MLXIP: variants seen among roughly 807,000 people sequenced by gnomAD.
The protein encoded by MLXIP is MLX-interacting protein.
In MLXIP, 30 loss-of-function variants were observed where a neutral mutation model predicts 87.2. The observed-to-expected ratio is 0.34, with a 90% CI of 0.26 to 0.47. MLXIP has a LOEUF of 0.47. MLXIP is among the 20% of genes least tolerant of loss of function. The pLI is 1.00. For missense variants in MLXIP, 1,002 were observed against 1,240.1 expected, an observed-to-expected ratio of 0.81 and a Z score of 2.88; for synonymous variants, 530 against 514.0, an observed-to-expected ratio of 1.03 and a Z score of -0.42.
rs1233404015 is a variant in MLXIP, at chr12:122,121,010, G to GTTTTTTTTTT, written c.414-6237_414-6228dup. On this transcript the variant is annotated intron_variant, in intron 1 of 16. Transcript: ENST00000319080. ...AGCCCCAGAGCCCTCTGCATGCTTGGTTTTTTTTTTTTTTTTTTGAAACGG... is the reference window on the plus strand; with the variant it reads ...AGCCCCAGAGCCCTCTGCATGCTTGGTTTTTTTTTTTTTTTTTTTTTTTTTTTTGAAACGG... Among the ~76,000 whole-genome samples, 91 of 111,870 alleles carry GTTTTTTTTTT rather than the reference G, an allele frequency of 8.1e-4. 9 individuals are homozygous for GTTTTTTTTTT. Among genetic ancestry groups the GTTTTTTTTTT allele is most frequent in the African/African-American group, 2.2e-3 (61 of 27,434 alleles). The allele number at this position is 111,870 out of a possible 152,430, so 73.4% of individuals were successfully genotyped here. A position where few individuals can be genotyped will look rare whatever the true frequency, so the allele number is the denominator to read the frequency against.
Position 122,127,507 on chromosome 12 carries a change from G to A in MLXIP, c.520+145G>A, listed in dbSNP as rs539381717. Reference sequence around the variant, plus strand: ...TGCAGACAGGAAACCCAAGCCATCAGGCCCAGCAGAGGGGTGGCATCTGAA... The same window carrying A: ...TGCAGACAGGAAACCCAAGCCATCAAGCCCAGCAGAGGGGTGGCATCTGAA... On this transcript the variant is annotated intron_variant, in intron 2 of 16. Transcript: ENST00000319080. The A allele has an allele frequency of 7.8e-6, 5 of 643,912 alleles. No individual in the cohort carries two copies. The African/African-American group carries it at 9.1e-5, about 12-fold the overall frequency. 39.9% of individuals were successfully genotyped at this position (643,912 alleles called of 1,614,324 possible). A position where few individuals can be genotyped will look rare whatever the true frequency, so the allele number is the denominator to read the frequency against.
At position 122,141,776 on chromosome 12, in the gene MLXIP, T is replaced by C. The variant is rs1177236785; in HGVS notation, c.2724T>C (p.Ala908=). ...AGCTGCCAGAGCAGGCGTCCAAGGC[T>C]GTCACCAGGATTGGCAAGAGATTGG... The part of the protein sequence containing the change: ...PAQLPEQASK[A]VTRIGKRLGE... The change falls in exon 17 of 17, where the codon GCT becomes GCC. Residue 908 remains alanine, a synonymous_variant. Coordinates refer to ENST00000319080, the MANE Select transcript of MLXIP (RefSeq NM_014938.6). The C allele has an allele frequency of 2.5e-6, 4 of 1,613,708 alleles. No homozygotes were observed. The highest frequency in any genetic ancestry group is 2.2e-5 in the East Asian group (1 of 44,898).
chr12:122,135,905 T>A lies in MLXIP; in HGVS notation c.2032+239T>A. On this transcript the variant is annotated intron_variant, in intron 11 of 16. Transcript: ENST00000319080. The surrounding 1 kb of genome is among the most constrained non-coding windows in gnomAD (Gnocchi z 5.3). ...AACATGTGGCAGTGTAGGTGACCCG[T>A]GTGCTCGGGGAGTCCCTGCTGACTG... 2.0e-6 allele frequency: 1 copy of A among 500,122 alleles called. No individual in the cohort carries two copies. The allele number at this position is 500,122 out of a possible 1,614,324, so 31.0% of individuals were successfully genotyped here.
chr12:122,080,106 A>G (rs1447920370), intron 1 of MLXIP, among the ~76,000 whole-genome samples: 1 of 152,188 alleles, frequency 6.6e-6, no homozygotes, highest in Non-Finnish European at 1.5e-5. Flanking sequence ...GCCCTCAAAG[A>G]TTAAAGCGCT....
rs565588117 is a variant in MLXIP at position 122,129,304 on chromosome 12, C to G, written c.696+78C>G. ...CCCTGGTTCAGGGCCCTGGCCGAGGCGGTAGGCTCCACAGCCGCCCCACCT... is the reference window on the plus strand; with the variant it reads ...CCCTGGTTCAGGGCCCTGGCCGAGGGGGTAGGCTCCACAGCCGCCCCACCT... On this transcript the variant is annotated intron_variant, in intron 4 of 16. Coordinates refer to ENST00000319080, the MANE Select transcript of MLXIP (RefSeq NM_014938.6). 5 of 1,306,818 alleles carry G rather than the reference C, an allele frequency of 3.8e-6. No individual in the cohort carries two copies. In the African/African-American group the frequency reaches 7.3e-5, roughly 19 times the overall value. 81.0% of individuals were successfully genotyped at this position (1,306,818 alleles called of 1,614,324 possible). A position where few individuals can be genotyped will look rare whatever the true frequency, so the allele number is the denominator to read the frequency against.
chr12:122,087,993 A>C (rs2135898922), intron 1 of MLXIP, among the ~76,000 whole-genome samples: 1 of 152,314 alleles, frequency 6.6e-6, no homozygotes, highest in South Asian at 2.1e-4. Flanking sequence ...GTCAGCTGTG[A>C]AGCTGGGGTA....
Position 122,142,203 on chromosome 12 carries a change from C to G in MLXIP, c.*391C>G, listed in dbSNP as rs1191395229. The G allele has an allele frequency of 2.9e-6, 2 of 701,118 alleles. No homozygotes were observed. The highest frequency in any genetic ancestry group is 2.6e-6 in the Non-Finnish European group (1 of 384,556). 43.4% of individuals were successfully genotyped at this position (701,118 alleles called of 1,614,324 possible). A position where few individuals can be genotyped will look rare whatever the true frequency, so the allele number is the denominator to read the frequency against. On this transcript the variant is annotated 3_prime_UTR_variant, in exon 17 of 17. Coordinates refer to ENST00000319080, the MANE Select transcript of MLXIP (RefSeq NM_014938.6). ...GGCCTGCTCCTGTCCTGAGGCCCAGCCTTGTCCCTCCTGCCACGTCCTGTC... is the reference window on the plus strand; with the variant it reads ...GGCCTGCTCCTGTCCTGAGGCCCAGGCTTGTCCCTCCTGCCACGTCCTGTC...
intron 1 of MLXIP, among the ~76,000 whole-genome samples, chr12:122,102,213 T>A (rs759514358): frequency 6.6e-6 from 1 of 152,184 alleles, no homozygotes; most frequent in Admixed American, 6.5e-5. Context: ...GATGTATATT[T>A]AGAATATATA....
intron 1 of MLXIP, among the ~76,000 whole-genome samples, chr12:122,091,451 ACTTT>A (rs1952243747): frequency 6.6e-6 from 1 of 152,192 alleles, no homozygotes; most frequent in Admixed American, 6.5e-5. Context: ...TAGTCCCAGC[ACTTT>A]GGGAGGCCAA....
intron 1 of MLXIP, among the ~76,000 whole-genome samples, chr12:122,092,919 T>TGTGTGTTG (rs1952268291): frequency 2.6e-5 from 4 of 151,482 alleles, no homozygotes; most frequent in Admixed American, 2.0e-4. Context: ...TTGTGTGTGA[T>TGTGTGTTG]GTGTGTGGGG....
rs1433451306 is a variant in MLXIP at position 122,142,337 on chromosome 12, T to A, written c.*525T>A. The stretch of plus-strand genomic sequence containing the variant: ...CAACTCTGACAGCACCCAGCCCTTG[T>A]GGATGGACTTGGGCTTCTATTCAGG... On this transcript the variant is annotated 3_prime_UTR_variant, in exon 17 of 17. Coordinates refer to ENST00000319080, the MANE Select transcript of MLXIP (RefSeq NM_014938.6). 4.9e-6 allele frequency: 3 copies of A among 612,144 alleles called. No homozygotes were observed. The highest frequency in any genetic ancestry group is 2.1e-5 in the Admixed American group (1 of 47,034). The allele number at this position is 612,144 out of a possible 1,614,324, so 37.9% of individuals were successfully genotyped here.
At chr12:122,095,496 C>T (rs1379157508) in intron 1 of MLXIP, among the ~76,000 whole-genome samples, 1 of 152,010 alleles carries the variant, frequency 6.6e-6, no homozygotes, top group Non-Finnish European at 1.5e-5. Context: ...ATTTATCCGC[C>T]ACACAGTGCT....
chr12:122,105,752 C>A (rs1952509155), intron 1 of MLXIP, among the ~76,000 whole-genome samples: 1 of 151,906 alleles, frequency 6.6e-6, no homozygotes, highest in Non-Finnish European at 1.5e-5. Context: ...TGCAGTCCGG[C>A]CTGGGCTAAA....
At chr12:122,096,247 C>T (rs1952350724) in intron 1 of MLXIP, among the ~76,000 whole-genome samples, 1 of 152,114 alleles carries the variant, frequency 6.6e-6, no homozygotes, top group East Asian at 1.9e-4. Context: ...CCGGCTTCTG[C>T]AGTGTTTCTT....
At chr12:122,113,472 T>C (rs529047680) in intron 1 of MLXIP, among the ~76,000 whole-genome samples, 18 of 152,160 alleles carry the variant, frequency 1.2e-4, no homozygotes, top group Non-Finnish European at 2.2e-4. Flanking sequence ...TTCGCCATGC[T>C]GTCCAGGCTG....
chr12:122,125,517 G>A (rs924507028), intron 1 of MLXIP, among the ~76,000 whole-genome samples: 1 of 152,212 alleles, frequency 6.6e-6, no homozygotes, highest in Non-Finnish European at 1.5e-5. Context: ...TCTAGAGGAG[G>A]AGGCGTCATT....
chr12:122,086,176 C>T (rs1952165797), intron 1 of MLXIP, among the ~76,000 whole-genome samples: 1 of 152,134 alleles, frequency 6.6e-6, no homozygotes, highest in Admixed American at 6.5e-5. Context: ...AGAACGCAGC[C>T]CTGCTGAATC....
At chr12:122,127,233 C>A in intron 1 of MLXIP, 23 bp from the exon 2 acceptor site, 1 of 1,581,276 alleles carries the variant, frequency 6.3e-7, no homozygotes, top group Non-Finnish European at 8.7e-7. Context: ...CACTGAGTCT[C>A]CCCGCTTTGC....
rs1565993155 is a variant in MLXIP at position 122,142,317 on chromosome 12, C to T, written c.*505C>T. 1 of 646,904 alleles carries T rather than the reference C, an allele frequency of 1.5e-6. No individual in the cohort carries two copies. The highest frequency in any genetic ancestry group is 1.5e-5 in the South Asian group (1 of 66,288). The allele number at this position is 646,904 out of a possible 1,614,324, so 40.1% of individuals were successfully genotyped here. ...GGCGTCTTTCTTTCTCCCCTCAACT[C>T]TGACAGCACCCAGCCCTTGTGGATG... On this transcript the variant is annotated 3_prime_UTR_variant, in exon 17 of 17. Coordinates refer to ENST00000319080, the MANE Select transcript of MLXIP (RefSeq NM_014938.6).
Sources: allele counts gnomAD v4.1 joint callset (sites outside exome capture counted in the v4.1 genomes callset), GRCh38; gene constraint gnomAD v4.1.1; non-coding constraint Gnocchi (gnomAD v3.1); transcripts MANE v1.5; gene names NCBI Gene and HGNC (gene_info 2026-07-23, HGNC 2026-07-21).